SLC25A26: variants seen among roughly 807,000 people sequenced by gnomAD.
SLC25A26 encodes mitochondrial S-adenosylmethionine carrier protein.
Under a neutral mutation model 37.8 loss-of-function variants are expected in SLC25A26, and 36 were observed. The ratio of observed to expected loss-of-function variants is 0.95; its 90% CI spans 0.73 to 1.26. The LOEUF is 1.26. Ranked by LOEUF, SLC25A26 falls within the 50% of genes most tolerant of loss-of-function variation. The pLI, the probability that SLC25A26 is intolerant of heterozygous loss-of-function variation, is 0.00. For missense variants in SLC25A26, 390 were observed against 331.1 expected (o/e 1.18, Z -1.38); for synonymous variants, 129 against 122.5 (o/e 1.05, Z -0.35).
chr3:66,207,421 A>G (rs1450800759), intron 1 of SLC25A26, among the ~76,000 whole-genome samples: 6 of 152,196 alleles, frequency 3.9e-5, no homozygotes, highest in Non-Finnish European at 7.3e-5. Context: ...TGTATTATAT[A>G]TTAAGATAAT....
intron 5 of SLC25A26, among the ~76,000 whole-genome samples, chr3:66,323,352 G>C (rs577523536): frequency 6.6e-6 from 1 of 152,206 alleles, no homozygotes; most frequent in African/African-American, 2.4e-5. Context: ...CTAAAATAAT[G>C]TATTATATCA....
Position 66,221,073 on chromosome 3 carries a change from C to A in SLC25A26, c.-22C>A, listed in dbSNP as rs1334378512. 1 of 1,535,054 alleles carries A rather than the reference C, an allele frequency of 6.5e-7. No homozygotes were observed. Among genetic ancestry groups the A allele is most frequent in the Admixed American group, 2.0e-5 (1 of 50,816 alleles). On this transcript the variant is annotated 5_prime_UTR_variant, in exon 1 of 10. Transcript: ENST00000354883. ...GCTTCTGCTCCGGCTTGGATTGTAG[C>A]CTTGACGAGGTCTGAGCGACCATGG... is the stretch of plus-strand genomic sequence containing the variant.
chr3:66,178,707 G>A (rs765059740), intron 1 of SLC25A26, among the ~76,000 whole-genome samples: 1 of 152,090 alleles, frequency 6.6e-6, no homozygotes. Context: ...ATTTGTTAAC[G>A]TTATGAATCA....
chr3:66,207,463 G>A (rs2071196333), intron 1 of SLC25A26, among the ~76,000 whole-genome samples: 1 of 152,124 alleles, frequency 6.6e-6, no homozygotes. Flanking sequence ...ATTATGGGAA[G>A]ACAGACTCCA....
intron 5 of SLC25A26, among the ~76,000 whole-genome samples, chr3:66,266,578 T>TTTTG (rs1553678410): frequency 7.0e-6 from 1 of 143,562 alleles, no homozygotes; most frequent in African/African-American, 2.6e-5. Context: ...TTGTCACACT[T>TTTTG]TTTTTTTTTT....
At chr3:66,158,824 C>T (rs944261623) in intron 1 of SLC25A26, among the ~76,000 whole-genome samples, 1 of 152,086 alleles carries the variant, frequency 6.6e-6, no homozygotes, top group Non-Finnish European at 1.5e-5. Flanking sequence ...TCTTGAGTCT[C>T]AGAGAAGAGA....
At chr3:66,351,989 C>T (rs2107762844) in intron 6 of SLC25A26, among the ~76,000 whole-genome samples, 1 of 152,162 alleles carries the variant, frequency 6.6e-6, no homozygotes, top group South Asian at 2.1e-4. Flanking sequence ...TGGCTCATGC[C>T]TGTAATCCCA....
chr3:66,251,154 G>A (rs1268239407), intron 3 of SLC25A26, among the ~76,000 whole-genome samples: 1 of 152,148 alleles, frequency 6.6e-6, no homozygotes, highest in African/African-American at 2.4e-5. Flanking sequence ...ACCCTGAGGC[G>A]AAGCAGGGGC....
At chr3:66,349,363 G>A (rs1424749360) in intron 6 of SLC25A26, among the ~76,000 whole-genome samples, 1 of 152,054 alleles carries the variant, frequency 6.6e-6, no homozygotes, top group Non-Finnish European at 1.5e-5. Context: ...GTTCCCTCAT[G>A]CCGTCAGTGC....
chr3:66,213,268 C>T (rs2071310680), intron 1 of SLC25A26, among the ~76,000 whole-genome samples: 1 of 151,766 alleles, frequency 6.6e-6, no homozygotes, highest in Admixed American at 6.6e-5. Context: ...GGTGTGGTAG[C>T]CCATACCTGT....
chr3:66,177,929 G>T (rs2070619638), intron 1 of SLC25A26, among the ~76,000 whole-genome samples: 1 of 152,220 alleles, frequency 6.6e-6, no homozygotes, highest in Non-Finnish European at 1.5e-5. Context: ...AGAAAAGAAT[G>T]TGGAAAGATG....
intron 1 of SLC25A26, among the ~76,000 whole-genome samples, chr3:66,196,362 C>G (rs1249295983): frequency 6.6e-6 from 1 of 152,174 alleles, no homozygotes; most frequent in Non-Finnish European, 1.5e-5. Flanking sequence ...TAGGCACATA[C>G]CTGAGATGAA....
chr3:66,359,190 T>C (rs7610385), intron 6 of SLC25A26, among the ~76,000 whole-genome samples: 1,878 of 152,342 alleles, frequency 0.012, 40 homozygotes, highest in African/African-American at 0.043. Flanking sequence ...ATTGTGTTTT[T>C]TCGCCCCCTG....
At chr3:66,313,024 T>G (rs2075427547) in intron 5 of SLC25A26, among the ~76,000 whole-genome samples, 1 of 152,222 alleles carries the variant, frequency 6.6e-6, no homozygotes, top group South Asian at 2.1e-4. Context: ...CTCTGGATAC[T>G]AGACCTTTGT....
chr3:66,259,376 A>G (rs77973545), intron 3 of SLC25A26, among the ~76,000 whole-genome samples: 1,525 of 152,258 alleles, frequency 0.01, 18 homozygotes, highest in Admixed American at 0.019. Context: ...TTCTAGTTTT[A>G]TAGCCATATA....
intron 5 of SLC25A26, among the ~76,000 whole-genome samples, chr3:66,279,242 T>A (rs527727226): frequency 6.6e-6 from 1 of 152,308 alleles, no homozygotes; most frequent in Non-Finnish European, 1.5e-5. Flanking sequence ...CCTGGGAATC[T>A]TGGAATCTTT....
intron 1 of SLC25A26, among the ~76,000 whole-genome samples, chr3:66,190,159 T>TA (rs1477006306): frequency 6.6e-6 from 1 of 151,902 alleles, no homozygotes; most frequent in Non-Finnish European, 1.5e-5. Context: ...AAACTAATTT[T>TA]AAAAAATTAG....
At chr3:66,143,087 C>T (rs1006906554) in intron 1 of SLC25A26, among the ~76,000 whole-genome samples, 40 of 151,982 alleles carry the variant, frequency 2.6e-4, no homozygotes, top group African/African-American at 4.8e-5. Context: ...TTATTGCAAG[C>T]GCCTCAGCTA....
chr3:66,233,017 T>C (rs1425156864), intron 1 of SLC25A26, among the ~76,000 whole-genome samples: 1 of 152,194 alleles, frequency 6.6e-6, no homozygotes, highest in African/African-American at 2.4e-5. Context: ...CTGTCGGGAA[T>C]GTTTCCCTTG....
Sources: allele counts gnomAD v4.1 joint callset (sites outside exome capture counted in the v4.1 genomes callset), GRCh38; gene constraint gnomAD v4.1.1; transcripts MANE v1.5; gene names NCBI Gene and HGNC (gene_info 2026-07-23, HGNC 2026-07-21).